APOBEC1: variants seen among roughly 807,000 people sequenced by gnomAD.
The protein encoded by APOBEC1 is apolipoprotein B mRNA editing enzyme catalytic subunit 1, also known as C->U-editing enzyme APOBEC-1.
Under a neutral mutation model 26.3 loss-of-function variants are expected in APOBEC1, and 22 were observed. The ratio of observed to expected loss-of-function variants is 0.84; its 90% CI spans 0.60 to 1.19. The LOEUF (loss-of-function observed/expected upper bound fraction) is 1.19, where lower values mean the gene tolerates loss of function less well. APOBEC1 is among the 50% of genes most tolerant of loss of function. The probability of loss-of-function intolerance (pLI) is 0.00; values close to 1 mark genes in which losing one functional copy is unlikely to be tolerated. For missense variants in APOBEC1, 253 were observed against 289.0 expected, an observed-to-expected ratio of 0.88 and a Z score of 0.90; for synonymous variants, 77 against 95.3, an observed-to-expected ratio of 0.81 and a Z score of 1.12.
At chr12:7,661,838 G>A (rs980306399) in intron 1 of APOBEC1, among the ~76,000 whole-genome samples, 2 of 152,188 alleles carry the variant, frequency 1.3e-5, no homozygotes, top group African/African-American at 4.8e-5. Flanking sequence ...AGTAGGTCCA[G>A]CACTAGAATT....
upstream of APOBEC1, among the ~76,000 whole-genome samples, chr12:7,668,503 A>G (rs961470200): frequency 6.6e-6 from 1 of 152,182 alleles, no homozygotes; most frequent in Non-Finnish European, 1.5e-5. Flanking sequence ...CGCTTCGTCC[A>G]TGTTCTGTTT....
chr12:7,659,980 T>TAAATA (rs1211073716), intron 1 of APOBEC1, among the ~76,000 whole-genome samples: 1 of 150,164 alleles, frequency 6.7e-6, no homozygotes, highest in African/African-American at 2.5e-5. Context: ...AAAAAATAAA[T>TAAATA]AAATAAAATA....
At chr12:7,670,138 C>T (rs1863934926), upstream of APOBEC1, among the ~76,000 whole-genome samples, 1 of 138,230 alleles carries the variant, frequency 7.2e-6, no homozygotes, top group African/African-American at 2.8e-5. Flanking sequence ...CGTGTGCCAC[C>T]ATGCCTGGCT....
In APOBEC1 at chr12:7,651,997, AT is replaced by A. The variant is rs1247988205; in HGVS notation, c.442+440del. ...CACCACGCCTGGCTAATTTTTTTGT[AT>A]TTTTTAGTAGAGACGGGGTTTCACC... is the stretch of plus-strand genomic sequence containing the variant. On this transcript the variant is annotated intron_variant, in intron 3 of 4. Transcript: ENST00000229304. Among the ~76,000 whole-genome samples, 35 of 151,512 alleles carry A rather than the reference AT, an allele frequency of 2.3e-4. No individual in the cohort carries two copies. The Middle Eastern group carries it at 0.014, about 59-fold the overall frequency.
At chr12:7,652,307 C>T in intron 3 of APOBEC1, 131 bp downstream of exon 3, 1 of 795,828 alleles carries the variant, frequency 1.3e-6, no homozygotes, top group Non-Finnish European at 1.9e-6. Flanking sequence ...AGACCTAGTC[C>T]TTTATGACAT....
In APOBEC1 at chr12:7,651,017, A is replaced by G. The variant is rs1863630026; in HGVS notation, c.561+6T>C. 4 of 1,591,560 alleles carry G rather than the reference A, an allele frequency of 2.5e-6. No homozygotes were observed. The highest frequency in any genetic ancestry group is 3.3e-4 in the Middle Eastern group (2 of 6,036). On this transcript the variant is annotated splice_donor_region_variant and intron_variant, in intron 4 of 4. Transcript: ENST00000229304. ...CATCAACATTTGTGTCCCTAAAGTG[A>G]CTTACTAGAATTATGCAGTGCAGCT...
At chr12:7,662,206 A>G (rs536475718) in intron 1 of APOBEC1, among the ~76,000 whole-genome samples, 2 of 152,274 alleles carry the variant, frequency 1.3e-5, no homozygotes, top group South Asian at 2.1e-4. Flanking sequence ...TCGAGGCTAC[A>G]GTGAGCCATG....
chr12:7,657,679 C>G (rs905165697), intron 1 of APOBEC1, among the ~76,000 whole-genome samples: 2 of 151,922 alleles, frequency 1.3e-5, no homozygotes, highest in African/African-American at 4.8e-5. Flanking sequence ...TCAAGGCCAG[C>G]CTGGGTAAAA....
intron 1 of APOBEC1, among the ~76,000 whole-genome samples, chr12:7,654,871 G>A (rs985749812): frequency 6.6e-6 from 1 of 152,074 alleles, no homozygotes; most frequent in African/African-American, 2.4e-5. Flanking sequence ...CTGCCTTAAG[G>A]CTTCAACAAA....
intron 1 of APOBEC1, among the ~76,000 whole-genome samples, chr12:7,663,153 C>T (rs1320824820): frequency 6.6e-6 from 1 of 152,100 alleles, no homozygotes; most frequent in Admixed American, 6.6e-5. Flanking sequence ...TATTTTTGAA[C>T]AGAGAAGAGT....
upstream of APOBEC1, among the ~76,000 whole-genome samples, chr12:7,666,757 C>T (rs567887586): frequency 2.8e-4 from 43 of 152,150 alleles, no homozygotes; most frequent in Admixed American, 7.2e-4. Context: ...TCATTTTGCT[C>T]TCTGTCCTAC....
At chr12:7,654,846 C>A (rs953162639) in intron 1 of APOBEC1, among the ~76,000 whole-genome samples, 4 of 152,286 alleles carry the variant, frequency 2.6e-5, no homozygotes, top group Admixed American at 2.0e-4. Flanking sequence ...GATGCCCAAT[C>A]CCAAACAAGG....
At chr12:7,670,376 CA>C (rs1453794434), upstream of APOBEC1, among the ~76,000 whole-genome samples, 4 of 142,218 alleles carry the variant, frequency 2.8e-5, no homozygotes, top group Non-Finnish European at 6.1e-5. Context: ...TATCTGTATA[CA>C]AATGCTCCTC....
chr12:7,655,246 C>A (rs1390764159), intron 1 of APOBEC1, among the ~76,000 whole-genome samples: 2 of 152,008 alleles, frequency 1.3e-5, no homozygotes, highest in African/African-American at 2.4e-5. Context: ...TGTGGTGGCT[C>A]ACGCCTGTAA....
intron 3 of APOBEC1, among the ~76,000 whole-genome samples, chr12:7,652,149 G>T (rs920801461): frequency 1.3e-5 from 2 of 151,944 alleles, no homozygotes; most frequent in Non-Finnish European, 1.5e-5. Context: ...TTAGAGATGG[G>T]GTCTCACTAT....
upstream of APOBEC1, chr12:7,665,919 G>T (rs780483933): frequency 1.9e-6 from 3 of 1,612,460 alleles, no homozygotes; most frequent in Non-Finnish European, 2.5e-6. Flanking sequence ...AAGTTGTGCT[G>T]ATTGTTCCTG....
chr12:7,665,737 T>A, intron 1 of APOBEC1, 120 bp downstream of exon 1: 1 of 1,082,194 alleles, frequency 9.2e-7, no homozygotes, highest in South Asian at 1.3e-5. Flanking sequence ...CACCCACAGA[T>A]GCAAGAATCA....
At chr12:7,670,195 G>A (rs1863935186), upstream of APOBEC1, among the ~76,000 whole-genome samples, 1 of 137,972 alleles carries the variant, frequency 7.2e-6, no homozygotes, top group East Asian at 2.2e-4. Context: ...TGTTGGTCAG[G>A]CTGGTCTCAA....
intron 1 of APOBEC1, among the ~76,000 whole-genome samples, chr12:7,659,914 A>G (rs1376838527): frequency 1.3e-5 from 2 of 152,084 alleles, no homozygotes; most frequent in Non-Finnish European, 1.5e-5. Flanking sequence ...GCTTGCAGTG[A>G]GCCGAGATCA....
Sources: allele counts gnomAD v4.1 joint callset (sites outside exome capture counted in the v4.1 genomes callset), GRCh38; gene constraint gnomAD v4.1.1; transcripts MANE v1.5; gene names NCBI Gene and HGNC (gene_info 2026-07-23, HGNC 2026-07-21).